The following MACROD2 variants were observed in gnomAD, a reference collection of about 807,000 sequenced individuals.
MACROD2 encodes ADP-ribose glycohydrolase MACROD2.
A neutral mutation model predicts 70.4 loss-of-function variants in MACROD2; 36 were observed. The observed-to-expected ratio is 0.51, with a 90% CI of 0.39 to 0.68. MACROD2 has a LOEUF of 0.68. Ranked by LOEUF, MACROD2 falls within the 30% of genes least tolerant of loss-of-function variation. The probability of loss-of-function intolerance (pLI) is 0.00; values close to 1 mark genes in which losing one functional copy is unlikely to be tolerated. For synonymous variants in MACROD2, 172 were observed against 178.8 expected (o/e 0.96, Z 0.30); for missense variants, 496 against 538.4 (o/e 0.92, Z 0.78).
intron 5 of MACROD2, among the ~76,000 whole-genome samples, chr20:15,083,657 T>G (rs921807810): frequency 2.6e-5 from 4 of 152,016 alleles, no homozygotes; most frequent in African/African-American, 7.2e-5. Context: ...ATGTAATGGT[T>G]GGTATTAGAG....
At chr20:14,853,173 C>CTGTACGTGTGTGTG (rs35279137) in intron 5 of MACROD2, among the ~76,000 whole-genome samples, 1 of 149,240 alleles carries the variant, frequency 6.7e-6, no homozygotes, top group Non-Finnish European at 1.5e-5. Context: ...GTGTGTGTGT[C>CTGTACGTGTGTGTG]TGTGTGTGTG....
chr20:15,268,706 G>C (rs1006120388), intron 6 of MACROD2, among the ~76,000 whole-genome samples: 3 of 152,122 alleles, frequency 2.0e-5, no homozygotes, highest in African/African-American at 7.2e-5. Flanking sequence ...TACTGGCTTT[G>C]AACTGTGTTT....
intron 16 of MACROD2, among the ~76,000 whole-genome samples, chr20:16,043,109 G>T (rs1408891087): frequency 1.3e-5 from 2 of 152,060 alleles, no homozygotes; most frequent in Non-Finnish European, 2.9e-5. Context: ...CAGGCTCAAA[G>T]GCGGGCAGGG....
chr20:15,007,086 CG>C (rs1042737312), intron 5 of MACROD2, among the ~76,000 whole-genome samples: 27 of 152,030 alleles, frequency 1.8e-4, no homozygotes, highest in African/African-American at 6.5e-4. Flanking sequence ...CAGGAGAGGC[CG>C]GGCGCAGTGG....
intron 1 of MACROD2, among the ~76,000 whole-genome samples, chr20:14,001,247 A>G (rs1387103839): frequency 1.3e-5 from 2 of 152,178 alleles, no homozygotes; most frequent in Non-Finnish European, 2.9e-5. Context: ...TAATAATACT[A>G]TCAATTTTAT....
rs536589886 is a variant in MACROD2 at position 14,952,663 on chromosome 20, G to A, written c.418+267704G>A. Among the ~76,000 whole-genome samples, 169 of 151,852 alleles carry A rather than the reference G, an allele frequency of 1.1e-3. 1 individual carries two copies. Among genetic ancestry groups the A allele is most frequent in the Non-Finnish European group, 1.8e-3 (124 of 67,976 alleles). On this transcript the variant is annotated intron_variant, in intron 5 of 17. Coordinates refer to ENST00000684519, the MANE Select transcript of MACROD2 (RefSeq NM_001351661.2). ...TATTTAGCTGAGTTGTACAGTATTT[G>A]TGATATTTCTATCATCATATATCAT...
chr20:15,070,588 A>G (rs2075611247), intron 5 of MACROD2, among the ~76,000 whole-genome samples: 1 of 152,106 alleles, frequency 6.6e-6, no homozygotes. Flanking sequence ...GTTTCAGTTC[A>G]TGCAAGAGTT....
chr20:15,620,237 A>G (rs1237471013), intron 8 of MACROD2, among the ~76,000 whole-genome samples: 5 of 152,164 alleles, frequency 3.3e-5, no homozygotes, highest in Admixed American at 1.3e-4. Context: ...TTAAGAAGGA[A>G]CGAATGAGTG....
chr20:14,999,659 A>G (rs2074977490), intron 5 of MACROD2, among the ~76,000 whole-genome samples: 1 of 152,204 alleles, frequency 6.6e-6, no homozygotes. Flanking sequence ...GAAAAGATAT[A>G]CATAGAAACA....
intron 15 of MACROD2, among the ~76,000 whole-genome samples, chr20:16,019,849 A>G (rs918995364): frequency 2.0e-5 from 3 of 152,164 alleles, no homozygotes; most frequent in Non-Finnish European, 4.4e-5. Context: ...GGTAGGGCAC[A>G]TAGAGATCAC....
chr20:15,010,382 A>C (rs1048088040), intron 5 of MACROD2, among the ~76,000 whole-genome samples: 1 of 152,202 alleles, frequency 6.6e-6, no homozygotes, highest in Non-Finnish European at 1.5e-5. Flanking sequence ...AGTAGAAAGC[A>C]CCTAAATAGC....
Position 15,925,013 on chromosome 20 carries a change from G to A in MACROD2, c.776-8263G>A, listed in dbSNP as rs543023387. On this transcript the variant is annotated intron_variant, in intron 10 of 17. Transcript: ENST00000684519. ...TTTATCAGAGAGAGTGAGAAAGGGA[G>A]AGAACAAGGAAATCCCATTGTAATG... Among the ~76,000 whole-genome samples, 8 of 152,316 alleles carry A rather than the reference G, an allele frequency of 5.3e-5. No individual in the cohort carries two copies. In the East Asian group the frequency reaches 1.5e-3, roughly 29 times the overall value.
chr20:14,125,136 G>C (rs1268127456), intron 3 of MACROD2, among the ~76,000 whole-genome samples: 1 of 152,106 alleles, frequency 6.6e-6, no homozygotes, highest in Admixed American at 6.6e-5. Flanking sequence ...TAGTAGCCAG[G>C]GGATGACAGA....
chr20:15,846,291 T>C (rs919137506), intron 8 of MACROD2, among the ~76,000 whole-genome samples: 2 of 152,218 alleles, frequency 1.3e-5, no homozygotes, highest in Non-Finnish European at 2.9e-5. Context: ...TGGTAAACAT[T>C]GTGAAATAAT....
At chr20:14,650,284 TA>T (rs1389078588) in intron 4 of MACROD2, among the ~76,000 whole-genome samples, 5 of 152,190 alleles carry the variant, frequency 3.3e-5, no homozygotes, top group Non-Finnish European at 5.9e-5. Flanking sequence ...CCTTGCCATG[TA>T]AATATGTCTG....
intron 7 of MACROD2, among the ~76,000 whole-genome samples, chr20:15,481,553 A>G (rs2047097674): frequency 6.6e-6 from 1 of 152,228 alleles, no homozygotes; most frequent in Admixed American, 6.5e-5. Flanking sequence ...TATGAATGGT[A>G]CTGCTTAAAC....
intron 6 of MACROD2, among the ~76,000 whole-genome samples, chr20:15,320,476 A>G (rs1251910613): frequency 2.0e-5 from 3 of 152,216 alleles, no homozygotes; most frequent in Admixed American, 2.0e-4. Flanking sequence ...TCTGTTTACC[A>G]GACTACTTGG....
intron 5 of MACROD2, among the ~76,000 whole-genome samples, chr20:15,000,880 G>A (rs2074989922): frequency 6.6e-6 from 1 of 151,878 alleles, no homozygotes; most frequent in African/African-American, 2.4e-5. Flanking sequence ...AACTTCAAAA[G>A]AGATGGTTCA....
chr20:14,930,802 G>C (rs1183731534), intron 5 of MACROD2, among the ~76,000 whole-genome samples: 13 of 114,520 alleles, frequency 1.1e-4, no homozygotes, highest in Admixed American at 7.1e-4. Flanking sequence ...TCTATCTCCT[G>C]TTCCCATGTT....
Sources: gnomAD v4.1 joint callset for allele counts (sites outside exome capture counted in the v4.1 genomes callset) on GRCh38, gnomAD v4.1.1 for gene constraint, MANE v1.5 for transcripts, NCBI Gene and HGNC (gene_info 2026-07-23, HGNC 2026-07-21) for gene names.